PCF11: variants seen among roughly 807,000 people sequenced by gnomAD.
The protein encoded by PCF11 is pre-mRNA cleavage complex 2 protein Pcf11.
Under a neutral mutation model 166.1 loss-of-function variants are expected in PCF11, and 19 were observed. The ratio of observed to expected loss-of-function variants is 0.11; its 90% CI spans 0.08 to 0.17. The LOEUF (loss-of-function observed/expected upper bound fraction) is 0.17. PCF11 is among the 10% of genes least tolerant of loss of function. The pLI is 1.00. For synonymous variants in PCF11, 663 were observed against 644.1 expected (o/e 1.03, Z -0.44); for missense variants, 1,565 against 1,855.5 (o/e 0.84, Z 2.88).
At chr11:83,162,444 C>G (rs1031948091) in intron 2 of PCF11, among the ~76,000 whole-genome samples, 3 of 152,182 alleles carry the variant, frequency 2.0e-5, no homozygotes, top group East Asian at 3.8e-4. Flanking sequence ...CTGGAAAGCT[C>G]TATATCATAT....
chr11:83,164,457 GTAATGT>G, intron 4 of PCF11, 56 bp downstream of exon 4: 1 of 1,264,964 alleles, frequency 7.9e-7, no homozygotes, highest in Non-Finnish European at 1.1e-6. Flanking sequence ...CAATAGGGAA[GTAATGT>G]TTATGTTTGA....
chr11:83,161,259 A>G (rs1860241951), intron 1 of PCF11, 68 bp from the exon 2 acceptor site: 1 of 1,339,368 alleles, frequency 7.5e-7, no homozygotes, highest in Admixed American at 2.4e-5. Flanking sequence ...TAGGTTTAAA[A>G]ACTCATTTTT....
rs761724695 is a variant in PCF11, at chr11:83,167,355, AT to A, written c.2002-53del. 6.8e-5 allele frequency: 105 copies of A among 1,537,134 alleles called. 1 individual carries two copies. In the Middle Eastern group the frequency reaches 3.3e-3, roughly 49 times the overall value. On this transcript the variant is annotated intron_variant, in intron 6 of 15. Coordinates refer to ENST00000298281, the Ensembl canonical transcript of PCF11. This position sits in a 1 kb window ranked among gnomAD's most constrained non-coding sequence, Gnocchi z 4.2. ...ATGTAGTCATCATTATCTATCGTCT[AT>A]TTTTTTGGTATTTTTTTATATTTAA...
At chr11:83,169,629 A>G in exon 8 of PCF11, 1 of 1,614,012 alleles carries the variant, frequency 6.2e-7, no homozygotes, top group Non-Finnish European at 8.5e-7. Flanking sequence ...ATGGTCCACA[A>G]CATCAGCAAG....
intron 11 of PCF11, among the ~76,000 whole-genome samples, chr11:83,179,835 T>C (rs1861024050): frequency 6.6e-6 from 1 of 151,924 alleles, no homozygotes; most frequent in African/African-American, 2.4e-5. Context: ...GGAGAATTGC[T>C]TGAACCCAGG....
At chr11:83,181,256 T>A in intron 12 of PCF11, 65 bp downstream of exon 12, 1 of 517,314 alleles carries the variant, frequency 1.9e-6, no homozygotes, top group Non-Finnish European at 3.0e-6. Context: ...AAAAGTATAT[T>A]AATTTTAATA....
chr11:83,170,575 A>G (rs1193678255), intron 8 of PCF11, among the ~76,000 whole-genome samples: 2 of 152,198 alleles, frequency 1.3e-5, no homozygotes, highest in African/African-American at 2.4e-5. Flanking sequence ...TGGTTACGAA[A>G]CATGCACTGT....
At chr11:83,157,231 G>A in exon 1 of PCF11, 1 of 590,478 alleles carries the variant, frequency 1.7e-6, no homozygotes, top group East Asian at 2.8e-5. Flanking sequence ...GTGGCGGCTG[G>A]AAGTGGACGG....
At chr11:83,166,543 A>C (rs752086685) in exon 5 of PCF11, 15 of 1,613,988 alleles carry the variant, frequency 9.3e-6, no homozygotes, top group Non-Finnish European at 1.1e-5. Context: ...AGAAGTACTA[A>C]ACAGGATATT....
chr11:83,167,232 A>G lies in PCF11; in HGVS notation c.1925A>G (p.His642Arg), dbSNP rs760016520. 2 of 1,613,880 alleles carry G rather than the reference A, an allele frequency of 1.2e-6. No individual in the cohort carries two copies. The highest frequency in any genetic ancestry group is 8.5e-7 in the Non-Finnish European group (1 of 1,179,788). ...CCTCGAGCCCCAAAGCAGCAACAGC[A>G]TCGATTAAGTGTAGATGCCAATCTT... Residue 642 changes from histidine (H) to arginine (R), a missense_variant, in exon 6 of 16, where the codon CAT becomes CGT. Coordinates refer to ENST00000298281, the Ensembl canonical transcript of PCF11. This position sits in a 1 kb window ranked among gnomAD's most constrained non-coding sequence, Gnocchi z 4.2.
chr11:83,178,120 A>G (rs1237791954), intron 11 of PCF11, among the ~76,000 whole-genome samples: 1 of 152,128 alleles, frequency 6.6e-6, no homozygotes, highest in Non-Finnish European at 1.5e-5. Context: ...GACTCACTGC[A>G]ACCTCTGCCT....
intron 11 of PCF11, among the ~76,000 whole-genome samples, chr11:83,178,513 C>A (rs563964576): frequency 1.3e-5 from 2 of 151,582 alleles, no homozygotes; most frequent in Admixed American, 1.3e-4. Context: ...AAAAAAAAAT[C>A]GGCTGGGCGC....
intron 1 of PCF11, 101 bp downstream of exon 1, chr11:83,157,732 C>T (rs777910507): frequency 1.8e-5 from 20 of 1,104,326 alleles, no homozygotes; most frequent in African/African-American, 9.2e-5. Flanking sequence ...GGACAGTGTT[C>T]CTTCTCTCCA....
intron 12 of PCF11, among the ~76,000 whole-genome samples, chr11:83,181,503 T>C (rs184714240): frequency 2.0e-5 from 3 of 146,850 alleles, no homozygotes; most frequent in Admixed American, 1.3e-4. Flanking sequence ...TTTTAAAAAA[T>C]GAATTTTGAA....
exon 1 of PCF11, chr11:83,157,475 G>A: frequency 6.2e-7 from 1 of 1,612,644 alleles, no homozygotes; most frequent in Non-Finnish European, 8.5e-7. Context: ...CCGGTGCTGC[G>A]GGGGCCCGGG....
intron 11 of PCF11, among the ~76,000 whole-genome samples, chr11:83,179,458 C>T (rs1861008026): frequency 6.6e-6 from 1 of 152,046 alleles, no homozygotes; most frequent in African/African-American, 2.4e-5. Context: ...TCATGTTGTC[C>T]AGGCTGTTCT....
chr11:83,171,159 G>T (rs1271225282), intron 8 of PCF11: 3 of 365,606 alleles, frequency 8.2e-6, no homozygotes, highest in Admixed American at 3.6e-5. Context: ...TTGTATGCCA[G>T]TATAGTTCTT....
intron 8 of PCF11, among the ~76,000 whole-genome samples, chr11:83,170,814 A>G (rs1331844792): frequency 1.3e-5 from 2 of 152,232 alleles, no homozygotes; most frequent in African/African-American, 4.8e-5. Flanking sequence ...ATGGAAGAAA[A>G]TACAAAATAA....
intron 1 of PCF11, among the ~76,000 whole-genome samples, chr11:83,159,357 C>A (rs1055605760): frequency 6.6e-6 from 1 of 152,124 alleles, no homozygotes; most frequent in Non-Finnish European, 1.5e-5. Context: ...GTTTTTAAGG[C>A]AAAAACATTG....
Sources: allele counts gnomAD v4.1 joint callset (sites outside exome capture counted in the v4.1 genomes callset), GRCh38; gene constraint gnomAD v4.1.1; non-coding constraint Gnocchi (gnomAD v3.1); transcripts MANE v1.5; gene names NCBI Gene and HGNC (gene_info 2026-07-23, HGNC 2026-07-21).